The following NPRL3 variants were observed in gnomAD, a reference collection of about 807,000 sequenced individuals.
The protein encoded by NPRL3 is GATOR1 complex protein NPRL3.
NPRL3 carries 23 observed loss-of-function variants against 57.2 expected under a neutral mutation model. That is an observed-to-expected ratio of 0.40 (90% confidence interval 0.29 to 0.57). The LOEUF is 0.57. NPRL3 is among the 20% of genes least tolerant of loss of function. NPRL3 has a pLI of 0.42. For missense variants in NPRL3, 691 were observed against 767.1 expected, an observed-to-expected ratio of 0.90 and a Z score of 1.17; for synonymous variants, 333 against 321.1, an observed-to-expected ratio of 1.04 and a Z score of -0.39.
chr16:129,644 C>G (rs567143946), intron 3 of NPRL3, among the ~76,000 whole-genome samples: 1 of 152,180 alleles, frequency 6.6e-6, no homozygotes, highest in South Asian at 2.1e-4. Context: ...AAGCAAGACC[C>G]CATCTCTACA....
At chr16:107,101 G>A (rs1223870681) in intron 7 of NPRL3, among the ~76,000 whole-genome samples, 1 of 152,170 alleles carries the variant, frequency 6.6e-6, no homozygotes, top group Non-Finnish European at 1.5e-5. Context: ...TGTGATCCTG[G>A]GCACTAACAA....
intron 7 of NPRL3, among the ~76,000 whole-genome samples, chr16:102,136 G>A (rs146906181): frequency 4.1e-4 from 62 of 152,272 alleles, no homozygotes; most frequent in Admixed American, 1.4e-3. Flanking sequence ...TGCAGCCCAC[G>A]TCATCCCCTC....
intron 7 of NPRL3, among the ~76,000 whole-genome samples, chr16:106,366 C>T (rs1261092932): frequency 6.6e-6 from 1 of 152,058 alleles, no homozygotes; most frequent in Non-Finnish European, 1.5e-5. Context: ...GGCATGGTGG[C>T]TCACGCCTAT....
At position 88,504 on chromosome 16, in the gene NPRL3, G is replaced by A. The variant is rs965303295; in HGVS notation, c.1544+194C>T. 2.4e-4 allele frequency among the ~76,000 whole-genome samples: 36 copies of A among 152,162 alleles called. 1 individual carries two copies. The highest frequency in any genetic ancestry group is 1.3e-4 in the Non-Finnish European group (9 of 68,030). On this transcript the variant is annotated intron_variant, in intron 13 of 13. Transcript: ENST00000611875. ...AGGCATGCCAGGCCCATGGCCCGGC[G>A]TCTTGGTGACAAGCCGAACCCTCAG...
chr16:135,608 C>CAAAAAAAAAAAAAAA (rs555589072), intron 2 of NPRL3, among the ~76,000 whole-genome samples: 1 of 56,850 alleles, frequency 1.8e-5, no homozygotes, highest in Non-Finnish European at 3.8e-5. Flanking sequence ...GACTCTGTCT[C>CAAAAAAAAAAAAAAA]AAAAAAAAAA....
chr16:85,785 G>A lies in NPRL3; in HGVS notation c.*920C>T. ...CAGGACACACAGGCCTGAGCAAAGG[G>A]CCTGCCCAGACAAGATTTTTTAATT... On this transcript the variant is annotated 3_prime_UTR_variant, in exon 14 of 14. Coordinates refer to ENST00000611875, the MANE Select transcript of NPRL3 (RefSeq NM_001077350.3). The A allele has an allele frequency of 1.4e-6, 2 of 1,476,436 alleles. No individual in the cohort carries two copies. The highest frequency in any genetic ancestry group is 1.8e-6 in the Non-Finnish European group (2 of 1,111,950). The allele number at this position is 1,476,436 out of a possible 1,614,324, so 91.5% of individuals were successfully genotyped here. A position where few individuals can be genotyped will look rare whatever the true frequency, so the allele number is the denominator to read the frequency against.
Position 105,346 on chromosome 16 carries a change from G to A in NPRL3, c.630-4837C>T, listed in dbSNP as rs115861570. Among the ~76,000 whole-genome samples, 709 of 152,292 alleles carry A rather than the reference G, an allele frequency of 4.7e-3. 7 individuals carry two copies. Among genetic ancestry groups the A allele is most frequent in the African/African-American group, 0.016 (672 of 41,570 alleles). ...TAGACAGGACCTGTGAAGCTATCCT[G>A]CAAACCTCTGCATCCTCTGGTCCCA... On this transcript the variant is annotated intron_variant, in intron 7 of 13. Coordinates refer to ENST00000611875, the MANE Select transcript of NPRL3 (RefSeq NM_001077350.3).
chr16:86,809 G>A lies in NPRL3; in HGVS notation c.1606C>T (p.Arg536Trp), dbSNP rs769327693. 12 of 1,612,594 alleles carry A rather than the reference G, an allele frequency of 7.4e-6. No homozygotes were observed. Among genetic ancestry groups the A allele is most frequent in the South Asian group, 5.5e-5 (5 of 90,754 alleles). ...LEEIMYNENT[R>W]RSQLLMLFDK... is the part of the protein sequence containing the mutation. ...AACAGCATGAGCAGCTGGGAGCGCC[G>A]CGTGTTCTCGTTGTACATAATCTCC... is the stretch of plus-strand genomic sequence containing the variant. The change falls in exon 14 of 14, where the codon CGG (arginine) becomes TGG (tryptophan). Residue 536 changes from arginine to tryptophan, a missense_variant. Coordinates refer to ENST00000611875, the MANE Select transcript of NPRL3 (RefSeq NM_001077350.3).
intron 9 of NPRL3, among the ~76,000 whole-genome samples, chr16:95,443 T>C (rs1160971885): frequency 6.6e-6 from 1 of 151,416 alleles, no homozygotes; most frequent in East Asian, 1.9e-4. Flanking sequence ...CTGTGGGATA[T>C]GGGACTGTGG....
chr16:100,970 C>CAAAAAAAAAAAAAAAAAAA (rs59640237), intron 7 of NPRL3, among the ~76,000 whole-genome samples: 1 of 36,118 alleles, frequency 2.8e-5, no homozygotes, highest in Non-Finnish European at 4.5e-5. Context: ...GACTCTGTCT[C>CAAAAAAAAAAAAAAAAAAA]AAAAAAAAAA....
intron 2 of NPRL3, among the ~76,000 whole-genome samples, chr16:132,996 G>A (rs1900885641): frequency 6.6e-6 from 1 of 152,002 alleles, no homozygotes; most frequent in African/African-American, 2.4e-5. Flanking sequence ...TTATAGAGAT[G>A]GTTTCTTTCC....
intron 7 of NPRL3, among the ~76,000 whole-genome samples, chr16:106,587 T>C (rs899674786): frequency 8.3e-5 from 11 of 132,488 alleles, no homozygotes; most frequent in African/African-American, 2.7e-4. Context: ...TGAGCCAAGA[T>C]TGCGCTCCAG....
chr16:91,170 G>A (rs1898748052), intron 11 of NPRL3: 1 of 151,552 alleles, frequency 6.6e-6, no homozygotes, highest in South Asian at 2.1e-4. Flanking sequence ...CTGAGGTCAG[G>A]AGTTAGAGAC....
chr16:89,085 G>T (rs893509136), intron 12 of NPRL3, 195 bp from the exon 13 acceptor site: 2 of 601,116 alleles, frequency 3.3e-6, no homozygotes, highest in Non-Finnish European at 5.9e-6. Context: ...CTTGGGAAAC[G>T]GGTAGCCTCC....
At chr16:113,899 T>A (rs1177814714) in intron 5 of NPRL3, among the ~76,000 whole-genome samples, 2 of 152,232 alleles carry the variant, frequency 1.3e-5, no homozygotes, top group African/African-American at 4.8e-5. Flanking sequence ...CACACCTGGA[T>A]GGACTTACAA....
intron 3 of NPRL3, among the ~76,000 whole-genome samples, chr16:126,632 G>T (rs1303963577): frequency 6.6e-6 from 1 of 151,940 alleles, no homozygotes. Context: ...CTTTCTGAGG[G>T]ACACCAGGCT....
chr16:86,830 T>C lies in NPRL3; in HGVS notation c.1585A>G (p.Ile529Val). 2 of 1,613,482 alleles carry C rather than the reference T, an allele frequency of 1.2e-6. No individual in the cohort carries two copies. The highest frequency in any genetic ancestry group is 1.1e-5 in the South Asian group (1 of 90,944). Residue 529 changes from isoleucine to valine, a missense_variant, in exon 14 of 14, where the codon ATT (isoleucine) becomes GTT (valine). Ile to Val is a conservative substitution (Grantham distance 29, BLOSUM62 3). Coordinates refer to ENST00000611875, the MANE Select transcript of NPRL3 (RefSeq NM_001077350.3). ...CGCCGCGTGTTCTCGTTGTACATAA[T>C]CTCCTCCAGGTGGTGGCGGCCGCGG... ...YFRGRHHLEE[I>V]MYNENTRRSQ...
Position 89,715 on chromosome 16 carries a change from G to C in NPRL3, c.1349C>G (p.Pro450Arg). The change falls in exon 12 of 14, where the codon CCA becomes CGA. Residue 450 changes from proline (P) to arginine (R), a missense_variant and splice_region_variant. Transcript: ENST00000611875. ...STPNALSFGS[P>R]TSSDDMTLTS... The stretch of plus-strand genomic sequence containing the variant: ...CAGCGGTGCCCTGGGGGTCCTACTT[G>C]GGGAGCCAAAGCTGAGGGCGTTGGG... 6.4e-7 allele frequency: 1 copy of C among 1,569,628 alleles called. No homozygotes were observed.
At chr16:133,883 T>C (rs1413713929) in intron 2 of NPRL3, among the ~76,000 whole-genome samples, 1 of 152,200 alleles carries the variant, frequency 6.6e-6, no homozygotes, top group Non-Finnish European at 1.5e-5. Context: ...AATTTCAATA[T>C]TGTTGTGTCT....
Sources: allele counts gnomAD v4.1 joint callset (sites outside exome capture counted in the v4.1 genomes callset), GRCh38; gene constraint gnomAD v4.1.1; transcripts MANE v1.5; gene names NCBI Gene and HGNC (gene_info 2026-07-23, HGNC 2026-07-21).